SRRM3: variants seen among roughly 807,000 people sequenced by gnomAD.
SRRM3 encodes the protein serine/arginine repetitive matrix protein 3.
SRRM3 carries 27 observed loss-of-function variants against 66.2 expected under a neutral mutation model. That is an observed-to-expected ratio of 0.41 (90% CI 0.30 to 0.56). The LOEUF is 0.56. SRRM3 is among the 20% of genes least tolerant of loss of function. SRRM3 has a pLI of 0.32. For missense variants in SRRM3, 918 were observed against 991.9 expected, an observed-to-expected ratio of 0.93 and a Z score of 1.00; for synonymous variants, 391 against 414.9, an observed-to-expected ratio of 0.94 and a Z score of 0.70.
intron 3 of SRRM3, among the ~76,000 whole-genome samples, chr7:76,258,665 G>A (rs1801775903): frequency 7.7e-6 from 1 of 129,514 alleles, no homozygotes; most frequent in Non-Finnish European, 1.6e-5. Flanking sequence ...AGTGAGCTGA[G>A]ATCATGCCAC....
At chr7:76,257,756 G>A (rs1479793189) in intron 3 of SRRM3, among the ~76,000 whole-genome samples, 2 of 151,760 alleles carry the variant, frequency 1.3e-5, no homozygotes, top group East Asian at 1.9e-4. Context: ...CTCGCGACAG[G>A]GTGAGACCCT....
chr7:76,218,612 T>C (rs1439152141), intron 1 of SRRM3, among the ~76,000 whole-genome samples: 1 of 151,600 alleles, frequency 6.6e-6, no homozygotes, highest in African/African-American at 2.4e-5. Context: ...GCTTATTTCA[T>C]ATCAGTTCTG....
chr7:76,241,244 C>T (rs1801288075), intron 2 of SRRM3, among the ~76,000 whole-genome samples: 1 of 152,186 alleles, frequency 6.6e-6, no homozygotes, highest in South Asian at 2.1e-4. Flanking sequence ...GCTAGCCAGC[C>T]TTCCTGCATG....
Position 76,261,404 on chromosome 7 carries a change from C to G in SRRM3, c.628C>G (p.Arg210Gly), listed in dbSNP as rs782567066. The G allele has an allele frequency of 6.2e-7, 1 of 1,605,074 alleles. No individual in the cohort carries two copies. The highest frequency in any genetic ancestry group is 8.5e-7 in the Non-Finnish European group (1 of 1,176,016). Residue 210 changes from arginine to glycine, a missense_variant, in exon 7 of 15, where the codon CGC becomes GGC. Transcript: ENST00000611745. ...RKKKKSVKKH[R>G]RDRSDSGSRR... Reference sequence around the variant, plus strand: ...GAAGAAGAAGAGTGTGAAGAAGCATCGCCGAGACAGGTACCCTTGCTGCCC... The same window carrying G: ...GAAGAAGAAGAGTGTGAAGAAGCATGGCCGAGACAGGTACCCTTGCTGCCC...
chr7:76,281,737 C>A lies in SRRM3; in HGVS notation c.1305C>A (p.Gly435=). 7.6e-7 allele frequency: 1 copy of A among 1,323,252 alleles called. No homozygotes were observed. Among genetic ancestry groups the A allele is most frequent in the Non-Finnish European group, 9.7e-7 (1 of 1,034,282 alleles). The allele number at this position is 1,323,252 out of a possible 1,614,324, so 82.0% of individuals were successfully genotyped here. A position where few individuals can be genotyped will look rare whatever the true frequency, so the allele number is the denominator to read the frequency against. ...GCTCCAGCAGCGACTCCGGCAGCGG[C>A]CGCGGCGCCCCCGGCCCCGGGCCCG... The part of the protein sequence containing the change: ...RARSSSDSGS[G]RGAPGPGPEP... The change falls in exon 12 of 15, where the codon GGC becomes GGA. Residue 435 remains glycine (G), a synonymous_variant. Coordinates refer to ENST00000611745, the MANE Select transcript of SRRM3 (RefSeq NM_001110199.3).
chr7:76,239,040 G>GT (rs1268584012), intron 2 of SRRM3, among the ~76,000 whole-genome samples: 1 of 151,602 alleles, frequency 6.6e-6, no homozygotes, highest in Non-Finnish European at 1.5e-5. Context: ...AGCTTTGTTT[G>GT]TTTTTCCCTT....
chr7:76,232,019 G>A (rs1801028265), intron 1 of SRRM3, among the ~76,000 whole-genome samples: 1 of 152,190 alleles, frequency 6.6e-6, no homozygotes, highest in Non-Finnish European at 1.5e-5. Context: ...GAAGTTGCAA[G>A]ATAGCATTCG....
chr7:76,211,684 C>A (rs1800434467), intron 1 of SRRM3, among the ~76,000 whole-genome samples: 1 of 152,030 alleles, frequency 6.6e-6, no homozygotes, highest in Non-Finnish European at 1.5e-5. Context: ...CAGCCATGGT[C>A]CCTAGGTGCA....
intron 14 of SRRM3, chr7:76,283,775 G>C: frequency 1.0e-6 from 1 of 985,378 alleles, no homozygotes; most frequent in Non-Finnish European, 1.2e-6. Context: ...GGGCGTGGCT[G>C]GTGAAGCCAT....
chr7:76,282,570 C>T lies in SRRM3; in HGVS notation c.1371-78C>T, dbSNP rs571318759. 29 of 593,424 alleles carry T rather than the reference C, an allele frequency of 4.9e-5. No homozygotes were observed. The Admixed American group carries it at 1.3e-3, about 26-fold the overall frequency. The allele number at this position is 593,424 out of a possible 1,614,324, so 36.8% of individuals were successfully genotyped here. ...GACCCCGCCCCTCCGCCCTAAGCCC[C>T]GCCCCAGGGAACCCTCCCCGCCCCC... is the stretch of plus-strand genomic sequence containing the variant. On this transcript the variant is annotated intron_variant, in intron 12 of 14. Transcript: ENST00000611745.
chr7:76,255,148 C>CTTT (rs57880700), intron 3 of SRRM3, among the ~76,000 whole-genome samples: 31 of 83,162 alleles, frequency 3.7e-4, no homozygotes, highest in South Asian at 8.8e-4. Context: ...TTCTTTCTTT[C>CTTT]TTTTTTTTTT....
At chr7:76,262,439 G>T (rs1554608893) in intron 8 of SRRM3, among the ~76,000 whole-genome samples, 2 of 151,102 alleles carry the variant, frequency 1.3e-5, no homozygotes, top group Non-Finnish European at 2.9e-5. Context: ...CCGGGTGGCG[G>T]AGGTTGCAGT....
intron 3 of SRRM3, among the ~76,000 whole-genome samples, chr7:76,259,450 G>A (rs971992075): frequency 1.3e-5 from 2 of 151,782 alleles, no homozygotes; most frequent in Admixed American, 6.6e-5. Flanking sequence ...AGGGGTCCAC[G>A]CCTGTAGTCC....
chr7:76,260,375 C>T (rs1192551255), intron 5 of SRRM3, among the ~76,000 whole-genome samples, 178 bp downstream of exon 5: 3 of 146,664 alleles, frequency 2.0e-5, no homozygotes, highest in South Asian at 2.3e-4. Context: ...GAACCCACCC[C>T]AGGCCTCAAG....
intron 2 of SRRM3, among the ~76,000 whole-genome samples, chr7:76,247,811 C>T (rs934587636): frequency 5.3e-5 from 8 of 152,166 alleles, no homozygotes; most frequent in Admixed American, 1.3e-4. Flanking sequence ...TCTCCTACCT[C>T]AGCCTCCTGA....
chr7:76,284,467 C>A (rs112561168), intron 14 of SRRM3, among the ~76,000 whole-genome samples: 1 of 152,144 alleles, frequency 6.6e-6, no homozygotes, highest in Non-Finnish European at 1.5e-5. Context: ...CGTGAGCCCC[C>A]GCGCCCGACC....
chr7:76,218,982 G>A (rs574907693), intron 1 of SRRM3, among the ~76,000 whole-genome samples: 8 of 152,052 alleles, frequency 5.3e-5, no homozygotes, highest in Non-Finnish European at 1.2e-4. Flanking sequence ...AGCCTCCCAA[G>A]TAGCTGGGAT....
intron 1 of SRRM3, among the ~76,000 whole-genome samples, chr7:76,215,904 T>C (rs1554602536): frequency 6.8e-6 from 1 of 148,008 alleles, no homozygotes; most frequent in African/African-American, 2.5e-5. Context: ...TTCATGCCAG[T>C]CTCCTGCCTC....
intron 2 of SRRM3, among the ~76,000 whole-genome samples, chr7:76,237,490 G>C (rs562538466): frequency 6.6e-6 from 1 of 152,272 alleles, no homozygotes; most frequent in East Asian, 1.9e-4. Context: ...CAGGAGAATC[G>C]CTTGAACCCG....
Sources: gnomAD v4.1 joint callset for allele counts (sites outside exome capture counted in the v4.1 genomes callset) on GRCh38, gnomAD v4.1.1 for gene constraint, MANE v1.5 for transcripts, NCBI Gene and HGNC (gene_info 2026-07-23, HGNC 2026-07-21) for gene names.